SACS: variants seen among roughly 807,000 people sequenced by gnomAD.
SACS encodes sacsin.
Under a neutral mutation model 348.0 loss-of-function variants are expected in SACS, and 197 were observed. That is an observed-to-expected ratio of 0.57 (90% CI 0.50 to 0.64). The LOEUF (loss-of-function observed/expected upper bound fraction) is 0.64, where lower values mean the gene tolerates loss of function less well. Among genes scored for constraint, SACS ranks in the 30% least tolerant of loss-of-function variants. The pLI, the probability that SACS is intolerant of heterozygous loss-of-function variation, is 0.00. For synonymous variants in SACS, 1,985 were observed against 1,910.6 expected (o/e 1.04, Z -1.02); for missense variants, 4,999 against 5,360.8 (o/e 0.93, Z 2.11).
At chr13:23,430,637 A>G (rs1215225147) in intron 1 of SACS, among the ~76,000 whole-genome samples, 1 of 152,250 alleles carries the variant, frequency 6.6e-6, no homozygotes, top group African/African-American at 2.4e-5. Flanking sequence ...TCTAGCACTT[A>G]GTACTTTAAT....
chr13:23,403,113 G>A (rs1049001167), intron 2 of SACS, among the ~76,000 whole-genome samples: 7 of 137,708 alleles, frequency 5.1e-5, no homozygotes, highest in African/African-American at 1.6e-4. Context: ...AGAAGGTGGA[G>A]GTTGCAGTGA....
chr13:23,340,037 G>A lies in SACS; in HGVS notation c.3839C>T (p.Thr1280Ile). 2 of 1,613,938 alleles carry A rather than the reference G, an allele frequency of 1.2e-6. No individual in the cohort carries two copies. The highest frequency in any genetic ancestry group is 1.1e-5 in the South Asian group (1 of 91,030). The change falls in exon 10 of 10, where the codon ACT becomes ATT. Residue 1280 changes from threonine (T) to isoleucine (I), a missense_variant. Physicochemically the swap from Thr to Ile is moderately conservative, Grantham distance 89. Coordinates refer to ENST00000382292, the MANE Select transcript of SACS (RefSeq NM_014363.6). ...FRALKFPWVW[T>I]GKKFCPLAQA... Reference sequence around the variant, plus strand: ...GGCAAGTGGACAAAACTTTTTGCCAGTCCAAACCCATGGAAATTTTAAGGC... The same window carrying A: ...GGCAAGTGGACAAAACTTTTTGCCAATCCAAACCCATGGAAATTTTAAGGC...
intron 1 of SACS, among the ~76,000 whole-genome samples, chr13:23,421,085 C>T (rs564548489): frequency 1.3e-5 from 2 of 152,098 alleles, no homozygotes; most frequent in East Asian, 1.9e-4. Context: ...CACCTAGGGC[C>T]TTTGTCCACC....
Position 23,332,961 on chromosome 13 carries a change from A to G in SACS, c.10915T>C (p.Leu3639=), listed in dbSNP as rs755403408. The G allele has an allele frequency of 1.9e-5, 30 of 1,613,820 alleles. No individual in the cohort carries two copies. The highest frequency in any genetic ancestry group is 2.4e-5 in the Non-Finnish European group (28 of 1,179,940). ...LHHIFQERMD[L]LSGNFLKELS... is the part of the protein sequence containing the mutation. ...TCTTTCAGAAAATTTCCAGATAACA[A>G]ATCCATTCGTTCTTGGAATATATGA... Residue 3639 remains leucine, a synonymous_variant, in exon 10 of 10, where the codon TTG becomes CTG. Transcript: ENST00000382292.
In SACS at chr13:23,335,073, G is replaced by A; in HGVS notation, c.8803C>T (p.Pro2935Ser). 1 of 1,613,430 alleles carries A rather than the reference G, an allele frequency of 6.2e-7. No homozygotes were observed. The highest frequency in any genetic ancestry group is 8.5e-7 in the Non-Finnish European group (1 of 1,179,576). Reference protein sequence around the residue: ...LLIQLKKRYFPGSDPTLSVLQ... With the variant: ...LLIQLKKRYFSGSDPTLSVLQ... Reference sequence around the variant, plus strand: ...ACTGATAATGTTGGATCAGAACCAGGGAAATACCGTTTTTTTAACTGTATT... The same window carrying A: ...ACTGATAATGTTGGATCAGAACCAGAGAAATACCGTTTTTTTAACTGTATT... Residue 2935 changes from proline (P) to serine (S), a missense_variant, in exon 10 of 10, where the codon CCT becomes TCT. Transcript: ENST00000382292. This position sits in a 1 kb window ranked among gnomAD's most constrained non-coding sequence, Gnocchi z 4.7.
intron 2 of SACS, among the ~76,000 whole-genome samples, chr13:23,377,048 AC>A (rs1278380820): frequency 5.9e-5 from 9 of 152,196 alleles, no homozygotes; most frequent in Admixed American, 1.3e-4. Flanking sequence ...GTCACTGAAG[AC>A]CACATGTTGT....
chr13:23,338,519 T>A lies in SACS; in HGVS notation c.5357A>T (p.Asp1786Val), dbSNP rs1233934481. ...DLQSPLFRGP[D>V]DDPAALFEMA... ...TTCAAAGAGAGCAGCTGGGTCATCA[T>A]CTGGACCTCTAAAAAGTGGCGACTG... The change falls in exon 10 of 10, where the codon GAT becomes GTT. Residue 1786 changes from aspartate (D) to valine (V), a missense_variant. Coordinates refer to ENST00000382292, the MANE Select transcript of SACS (RefSeq NM_014363.6). 22 of 1,614,086 alleles carry A rather than the reference T, an allele frequency of 1.4e-5. No individual in the cohort carries two copies. Among genetic ancestry groups the A allele is most frequent in the South Asian group, 2.2e-5 (2 of 91,090 alleles).
chr13:23,359,779 A>C (rs1870615759), intron 6 of SACS, among the ~76,000 whole-genome samples: 1 of 152,150 alleles, frequency 6.6e-6, no homozygotes, highest in Non-Finnish European at 1.5e-5. Context: ...ATGAATTCCT[A>C]CAAAGCAGAT....
At chr13:23,394,097 G>C (rs1872625186) in intron 2 of SACS, among the ~76,000 whole-genome samples, 1 of 152,152 alleles carries the variant, frequency 6.6e-6, no homozygotes, top group Non-Finnish European at 1.5e-5. Context: ...GGTGGGGGCT[G>C]GTGGCCAAGC....
At chr13:23,377,498 A>C (rs1331032806) in intron 2 of SACS, among the ~76,000 whole-genome samples, 1 of 152,196 alleles carries the variant, frequency 6.6e-6, no homozygotes, top group Non-Finnish European at 1.5e-5. Context: ...CTTTGCTCCC[A>C]AATAGATACA....
At chr13:23,406,208 G>T (rs1873200683) in intron 2 of SACS, among the ~76,000 whole-genome samples, 1 of 152,170 alleles carries the variant, frequency 6.6e-6, no homozygotes, top group South Asian at 2.1e-4. Flanking sequence ...CCATAAAAAG[G>T]ATGAGTTCCT....
Position 23,335,908 on chromosome 13 carries a change from T to G in SACS, c.7968A>C (p.Pro2656=), listed in dbSNP as rs748718131. ...GTCCGGGACTAATGGATGTGGCCCC[T>G]GGTGCATATCTGGCATGAGGATCAA... The part of the protein sequence containing the change: ...CIFDPHARYA[P]GATSISPGRM... Residue 2656 remains proline (P), a synonymous_variant, in exon 10 of 10, where the codon CCA becomes CCC. Coordinates refer to ENST00000382292, the MANE Select transcript of SACS (RefSeq NM_014363.6). This position sits in a 1 kb window ranked among gnomAD's most constrained non-coding sequence, Gnocchi z 4.7. 4 of 1,613,030 alleles carry G rather than the reference T, an allele frequency of 2.5e-6. No individual in the cohort carries two copies. In the African/African-American group the frequency reaches 5.3e-5, roughly 22 times the overall value.
In SACS at chr13:23,355,160, C is replaced by T. The variant is rs772047239; in HGVS notation, c.1452G>A (p.Gln484=). Reference sequence around the variant, plus strand: ...TCCATAAGGCTGCCGGGTCTCTCCACTGGTCCAGCTCTCTCCATTTTATGC... The same window carrying T: ...TCCATAAGGCTGCCGGGTCTCTCCATTGGTCCAGCTCTCTCCATTTTATGC... ...RRSIKWRELD[Q]WRDPAALWNE... is the part of the protein sequence containing the mutation. The change falls in exon 8 of 10, where the codon CAG becomes CAA. Residue 484 remains glutamine, a synonymous_variant. Coordinates refer to ENST00000382292, the MANE Select transcript of SACS (RefSeq NM_014363.6). 1.2e-6 allele frequency: 2 copies of T among 1,614,234 alleles called. No individual in the cohort carries two copies.
Position 23,338,184 on chromosome 13 carries a change from C to A in SACS, c.5692G>T (p.Glu1898Ter), listed in dbSNP as rs2137616679. ...GCFAVTSNRK[E>*]IWKTDTKGRW... is the part of the protein sequence containing the mutation. The stretch of plus-strand genomic sequence containing the variant: ...CCTTTTGTATCTGTTTTCCAGATTT[C>A]TTTCCTATTTGATGTAACAGCAAAG... The change falls in exon 10 of 10, where the codon GAA (glutamate) becomes TAA (stop). Residue 1898 changes from glutamate to a stop codon, truncating the protein, a stop_gained. Coordinates refer to ENST00000382292, the MANE Select transcript of SACS (RefSeq NM_014363.6). LOFTEE classifies it high-confidence loss of function. 1.9e-6 allele frequency: 3 copies of A among 1,614,112 alleles called. No homozygotes were observed. The highest frequency in any genetic ancestry group is 2.5e-6 in the Non-Finnish European group (3 of 1,179,996).
rs529576179 is a variant in SACS at position 23,410,772 on chromosome 13, T to C, written c.20+448A>G. ...TAAATTTGAGAAAAAGAGCAAGCAT[T>C]ATATTTTGTCATAATTTATAAAGGG... On this transcript the variant is annotated intron_variant, in intron 2 of 9. Coordinates refer to ENST00000382292, the MANE Select transcript of SACS (RefSeq NM_014363.6). Among the ~76,000 whole-genome samples the C allele has an allele frequency of 1.2e-4, 19 of 152,302 alleles. No individual in the cohort carries two copies. The East Asian group carries it at 3.7e-3, about 29-fold the overall frequency.
At chr13:23,429,094 G>T (rs1010040483) in intron 1 of SACS, among the ~76,000 whole-genome samples, 2 of 152,034 alleles carry the variant, frequency 1.3e-5, no homozygotes, top group Admixed American at 1.3e-4. Context: ...TGAGTGAATT[G>T]TATGGTATGT....
At chr13:23,407,814 C>A (rs1593176972) in intron 2 of SACS, among the ~76,000 whole-genome samples, 1 of 152,336 alleles carries the variant, frequency 6.6e-6, no homozygotes, top group South Asian at 2.1e-4. Context: ...CAAGTCAGTT[C>A]AGACAGAATC....
rs144967672 is a variant in SACS at position 23,407,360 on chromosome 13, G to T, written c.20+3860C>A. ...ACTACAGGCGCCTGCCACCACGCCC[G>T]GCTAATCTTTTTCTATTTTTAGTAG... On this transcript the variant is annotated intron_variant, in intron 2 of 9. Coordinates refer to ENST00000382292, the MANE Select transcript of SACS (RefSeq NM_014363.6). Among the ~76,000 whole-genome samples, 419 of 152,180 alleles carry T rather than the reference G, an allele frequency of 2.8e-3. 1 individual carries two copies. The highest frequency in any genetic ancestry group is 4.3e-3 in the Non-Finnish European group (291 of 68,000).
In SACS at chr13:23,329,382, A is replaced by C; in HGVS notation, c.*754T>G. 1 of 742,274 alleles carries C rather than the reference A, an allele frequency of 1.3e-6. No homozygotes were observed. The allele number at this position is 742,274 out of a possible 1,614,324, so 46.0% of individuals were successfully genotyped here. Reference sequence around the variant, plus strand: ...AAAGCAAGTGTTCTAACAGTTAATAAATGTTGTCTTGGCAAGCAGTTTCCA... The same window carrying C: ...AAAGCAAGTGTTCTAACAGTTAATACATGTTGTCTTGGCAAGCAGTTTCCA... On this transcript the variant is annotated 3_prime_UTR_variant, in exon 10 of 10. Transcript: ENST00000382292.
Sources: gnomAD v4.1 joint callset for allele counts (sites outside exome capture counted in the v4.1 genomes callset) on GRCh38, gnomAD v4.1.1 for gene constraint, Gnocchi (gnomAD v3.1) non-coding constraint, MANE v1.5 for transcripts, NCBI Gene and HGNC (gene_info 2026-07-23, HGNC 2026-07-21) for gene names.